Variants in TWF2 observed in about 807,000 individuals in gnomAD.
TWF2 encodes the protein twinfilin-2.
A neutral mutation model predicts 45.1 loss-of-function variants in TWF2; 15 were observed. That is an observed-to-expected ratio of 0.33 (90% CI 0.22 to 0.51). TWF2 has a LOEUF of 0.51. Ranked by LOEUF, TWF2 falls within the 20% of genes least tolerant of loss-of-function variation. The pLI, the probability that TWF2 is intolerant of heterozygous loss-of-function variation, is 0.97. For synonymous variants in TWF2, 177 were observed against 195.8 expected (o/e 0.90, Z 0.80); for missense variants, 423 against 469.1 (o/e 0.90, Z 0.91).
At chr3:52,231,091 G>A (rs1692772118) in intron 5 of TWF2, 36 bp downstream of exon 5, 2 of 1,613,660 alleles carry the variant, frequency 1.2e-6, no homozygotes, top group East Asian at 2.2e-5. Context: ...ATATGACCCT[G>A]AGGGCTCAAG....
chr3:52,234,988 C>G lies in TWF2; in HGVS notation c.103+41G>C, dbSNP rs369113172. 4 of 1,606,570 alleles carry G rather than the reference C, an allele frequency of 2.5e-6. No individual in the cohort carries two copies. In the African/African-American group the frequency reaches 5.3e-5, roughly 21 times the overall value. On this transcript the variant is annotated intron_variant, in intron 2 of 8. Transcript: ENST00000305533. ...CCCCCACCCACAGAGGCAGCAGAGT[C>G]CACCCCCAAGCCTATACCCTGGCCT... is the stretch of plus-strand genomic sequence containing the variant.
At position 52,232,084 on chromosome 3, in the gene TWF2, G is replaced by A. The variant is rs757765559; in HGVS notation, c.142C>T (p.Arg48Cys). 20 of 1,612,046 alleles carry A rather than the reference G, an allele frequency of 1.2e-5. No homozygotes were observed. The highest frequency in any genetic ancestry group is 1.7e-4 in the Middle Eastern group (1 of 6,048). ...VLGASQEPVGRWDQDYDRAVL... is the reference protein window; with the variant it reads ...VLGASQEPVGCWDQDYDRAVL... Reference sequence around the variant, plus strand: ...GCCCTGTCATAGTCCTGATCCCAGCGGCCTACTGGCTCCTGCGAGGCACCC... The same window carrying A: ...GCCCTGTCATAGTCCTGATCCCAGCAGCCTACTGGCTCCTGCGAGGCACCC... Residue 48 changes from arginine (R) to cysteine (C), a missense_variant, in exon 3 of 9, where the codon CGC becomes TGC. Coordinates refer to ENST00000305533, the MANE Select transcript of TWF2 (RefSeq NM_007284.4).
rs1346664812 is a variant in TWF2 at position 52,229,727 on chromosome 3, G to A, written c.816C>T (p.Tyr272=). 1 of 1,613,232 alleles carries A rather than the reference G, an allele frequency of 6.2e-7. No individual in the cohort carries two copies. The highest frequency in any genetic ancestry group is 1.3e-5 in the African/African-American group (1 of 74,950). The change falls in exon 8 of 9, where the codon TAC becomes TAT. Residue 272 remains tyrosine, a synonymous_variant. Transcript: ENST00000305533. ...YKCSIKERML[Y]SSCKSRLLDS... ...CGAGGAGGCGGCTCTTGCAGCTGGA[G>A]TAGAGCATTCGCTCCTTGATGCTGC... is the stretch of plus-strand genomic sequence containing the variant.
At chr3:52,234,179 G>A (rs78694560) in intron 2 of TWF2, among the ~76,000 whole-genome samples, 2 of 152,264 alleles carry the variant, frequency 1.3e-5, no homozygotes, top group South Asian at 2.1e-4. Flanking sequence ...AACACAACGC[G>A]TGGAAAGCCA....
At position 52,239,120 on chromosome 3, in the gene TWF2, C is replaced by T; in HGVS notation, c.-104G>A. On this transcript the variant is annotated 5_prime_UTR_variant, in exon 1 of 9. Transcript: ENST00000305533. ...AGGTGGAGGATGTGGCGGAGGCTGT[C>T]GACCCTCGCGCAGCTTCCCGGGCGG... 1.5e-6 allele frequency: 2 copies of T among 1,345,628 alleles called. No individual in the cohort carries two copies. Among genetic ancestry groups the T allele is most frequent in the Non-Finnish European group, 9.8e-7 (1 of 1,017,076 alleles). The allele number at this position is 1,345,628 out of a possible 1,614,324, so 83.4% of individuals were successfully genotyped here.
chr3:52,233,015 AAAAG>A (rs922856379), intron 2 of TWF2, among the ~76,000 whole-genome samples: 1 of 152,198 alleles, frequency 6.6e-6, no homozygotes, highest in Admixed American at 6.5e-5. Flanking sequence ...CCGTCTCAAA[AAAAG>A]AAAGAAAATG....
chr3:52,234,829 C>T lies in TWF2; in HGVS notation c.103+200G>A, dbSNP rs140374161. On this transcript the variant is annotated intron_variant, in intron 2 of 8. Coordinates refer to ENST00000305533, the MANE Select transcript of TWF2 (RefSeq NM_007284.4). ...CTGACCCCAGCTTCGGCTTCCTGCTCTGCATAACAGAGGTGACAATTGCGC... is the reference window on the plus strand; with the variant it reads ...CTGACCCCAGCTTCGGCTTCCTGCTTTGCATAACAGAGGTGACAATTGCGC... 7.9e-5 allele frequency among the ~76,000 whole-genome samples: 12 copies of T among 152,332 alleles called. No homozygotes were observed. The East Asian group carries it at 2.1e-3, about 27-fold the overall frequency.
chr3:52,233,849 G>A (rs1699701135), intron 2 of TWF2, among the ~76,000 whole-genome samples: 1 of 147,746 alleles, frequency 6.8e-6, no homozygotes, highest in Admixed American at 7.0e-5. Flanking sequence ...GGGAGGCGGA[G>A]CTTGCAGTAA....
At position 52,235,065 on chromosome 3, in the gene TWF2, C is replaced by T. The variant is rs370855296; in HGVS notation, c.67G>A (p.Gly23Ser). The change falls in exon 2 of 9, where the codon GGC becomes AGC. Residue 23 changes from glycine to serine, a missense_variant. Transcript: ENST00000305533. Reference protein sequence around the residue: ...LKEFFAKARAGSVRLIKVVIE... With the variant: ...LKEFFAKARASSVRLIKVVIE... ...ACAACCTTGATGAGCCGCACAGAGC[C>T]AGCCCGTGCCTTGGCAAAGAATTCC... The T allele has an allele frequency of 1.2e-6, 2 of 1,613,896 alleles. No homozygotes were observed. The highest frequency in any genetic ancestry group is 2.7e-5 in the African/African-American group (2 of 74,946).
intron 2 of TWF2, among the ~76,000 whole-genome samples, chr3:52,233,229 C>T (rs1012158383): frequency 1.3e-5 from 2 of 152,176 alleles, no homozygotes; most frequent in Non-Finnish European, 2.9e-5. Context: ...GTCCTGGTGT[C>T]AGTCCACCAG....
At chr3:52,236,885 C>G (rs1488242940) in intron 1 of TWF2, among the ~76,000 whole-genome samples, 1 of 152,148 alleles carries the variant, frequency 6.6e-6, no homozygotes, top group Non-Finnish European at 1.5e-5. Context: ...CCAAGCCTGG[C>G]CTCTGGGGCT....
intron 1 of TWF2, among the ~76,000 whole-genome samples, chr3:52,236,444 G>A (rs1288739878): frequency 6.6e-6 from 1 of 152,184 alleles, no homozygotes; most frequent in Non-Finnish European, 1.5e-5. Context: ...GGATCTACTA[G>A]TGGACAGGGA....
chr3:52,230,920 G>C lies in TWF2; in HGVS notation c.559C>G (p.Gln187Glu). The part of the protein sequence containing the change: ...GLAFPLQPEA[Q>E]RALQQLKQKM... ...TGCTTGAGCTGCTGGAGTGCCCGCTGGGCCTCAGGCTGCAGGGGGAAGGCG... is the reference window on the plus strand; with the variant it reads ...TGCTTGAGCTGCTGGAGTGCCCGCTCGGCCTCAGGCTGCAGGGGGAAGGCG... Residue 187 changes from glutamine (Q) to glutamate (E), a missense_variant, in exon 6 of 9, where the codon CAG (glutamine) becomes GAG (glutamate). Coordinates refer to ENST00000305533, the MANE Select transcript of TWF2 (RefSeq NM_007284.4). The C allele has an allele frequency of 6.2e-7, 1 of 1,608,314 alleles. No homozygotes were observed. Among genetic ancestry groups the C allele is most frequent in the East Asian group, 2.2e-5 (1 of 44,644 alleles).
intron 3 of TWF2, 151 bp from the exon 4 acceptor site, chr3:52,231,690 C>G: frequency 3.9e-6 from 4 of 1,019,474 alleles, no homozygotes; most frequent in Non-Finnish European, 4.2e-6. Context: ...AGGTGGCCCC[C>G]ACCAGCAGGG....
In TWF2 at chr3:52,231,127, C is replaced by T; in HGVS notation, c.483G>A (p.Glu161=). The change falls in exon 5 of 9, where the codon GAG becomes GAA. Residue 161 remains glutamate (E), a splice_region_variant and synonymous_variant. Transcript: ENST00000305533. ...ERELQQIRIN[E]VKTEISVESK... Reference sequence around the variant, plus strand: ...GCTGGGGCCTCTGCTCCCCACCCACCTCGTTAATGCGGATCTGCTGGAGCT... The same window carrying T: ...GCTGGGGCCTCTGCTCCCCACCCACTTCGTTAATGCGGATCTGCTGGAGCT... 6.2e-7 allele frequency: 1 copy of T among 1,614,040 alleles called. No homozygotes were observed. Among genetic ancestry groups the T allele is most frequent in the African/African-American group, 1.3e-5 (1 of 75,024 alleles).
At chr3:52,230,786 GGGACTCCATGTACATCT>G in intron 6 of TWF2, 67 bp downstream of exon 6, 1 of 1,508,064 alleles carries the variant, frequency 6.6e-7, no homozygotes, top group Non-Finnish European at 8.9e-7. Context: ...TGGTGGAGTG[GGGACTCCATGTACATCT>G]GCACATGTGC....
intron 1 of TWF2, 48 bp from the exon 2 acceptor site, chr3:52,235,154 G>C (rs1245553401): frequency 2.5e-6 from 4 of 1,593,426 alleles, no homozygotes; most frequent in South Asian, 1.1e-5. Context: ...AGAGTGGACA[G>C]AGACGAGTAT....
Position 52,230,090 on chromosome 3 carries a change from G to A in TWF2, c.610-20C>T. 1 of 1,560,630 alleles carries A rather than the reference G, an allele frequency of 6.4e-7. No individual in the cohort carries two copies. The highest frequency in any genetic ancestry group is 8.7e-7 in the Non-Finnish European group (1 of 1,154,438). Reference sequence around the variant, plus strand: ...CAGCTTCTGCCCAGGGCCAAGGGAAGATGGGAGAGCACCAGGTCGGGGTGG... The same window carrying A: ...CAGCTTCTGCCCAGGGCCAAGGGAAAATGGGAGAGCACCAGGTCGGGGTGG... On this transcript the variant is annotated intron_variant, in intron 6 of 8. Coordinates refer to ENST00000305533, the MANE Select transcript of TWF2 (RefSeq NM_007284.4).
rs753728453 is a variant in TWF2 at position 52,239,060 on chromosome 3, T to A, written c.-44A>T. Reference sequence around the variant, plus strand: ...GTCCGCGCCGTCGGAGCCCTCCGCTTGACCCTGGCCCGGCAACGCTCGCTG... The same window carrying A: ...GTCCGCGCCGTCGGAGCCCTCCGCTAGACCCTGGCCCGGCAACGCTCGCTG... On this transcript the variant is annotated 5_prime_UTR_variant, in exon 1 of 9. Transcript: ENST00000305533. 6.3e-7 allele frequency: 1 copy of A among 1,589,800 alleles called. No individual in the cohort carries two copies. The highest frequency in any genetic ancestry group is 8.5e-7 in the Non-Finnish European group (1 of 1,175,524).
Sources: allele counts gnomAD v4.1 joint callset (sites outside exome capture counted in the v4.1 genomes callset), GRCh38; gene constraint gnomAD v4.1.1; transcripts MANE v1.5; gene names NCBI Gene and HGNC (gene_info 2026-07-23, HGNC 2026-07-21).